Variants in CHST15 observed in about 807,000 individuals in gnomAD.
CHST15 encodes the protein B cell RAG associated protein (GALNAC4S-6ST).
A neutral mutation model predicts 53.6 loss-of-function variants in CHST15; 30 were observed. The ratio of observed to expected loss-of-function variants is 0.56; its 90% CI spans 0.42 to 0.76. CHST15 has a LOEUF of 0.76. Ranked by LOEUF, CHST15 falls within the 30% of genes least tolerant of loss-of-function variation. CHST15 has a pLI of 0.00. For missense variants in CHST15, 627 were observed against 740.5 expected, an observed-to-expected ratio of 0.85 and a Z score of 1.78; for synonymous variants, 296 against 289.8, an observed-to-expected ratio of 1.02 and a Z score of -0.22.
intron 1 of CHST15, among the ~76,000 whole-genome samples, chr10:124,083,070 G>T (rs1230856900): frequency 1.3e-5 from 2 of 152,224 alleles, no homozygotes; most frequent in Non-Finnish European, 1.5e-5. Flanking sequence ...TACTTTGGGT[G>T]AATTTTATGG....
intron 7 of CHST15, chr10:124,011,067 C>G (rs1027967522): frequency 1.0e-6 from 1 of 983,026 alleles, no homozygotes; most frequent in Non-Finnish European, 1.2e-6. Flanking sequence ...CTGGAAAAGG[C>G]CGGGAGGGGC....
intron 1 of CHST15, among the ~76,000 whole-genome samples, chr10:124,089,578 C>T (rs966426411): frequency 3.9e-5 from 6 of 152,024 alleles, no homozygotes; most frequent in African/African-American, 1.4e-4. Flanking sequence ...TGACCTTGGG[C>T]AAGTCACTCC....
At chr10:124,043,979 G>GCAGCACAGAGCAGAGGAA (rs1564879034) in intron 3 of CHST15, among the ~76,000 whole-genome samples, 1 of 136,204 alleles carries the variant, frequency 7.3e-6, no homozygotes, top group Non-Finnish European at 1.5e-5. Flanking sequence ...AGAGCAGGGA[G>GCAGCACAGAGCAGAGGAA]CAGCACAGAG....
Position 124,089,853 on chromosome 10 carries a change from C to A in CHST15, c.-513+3616G>T, listed in dbSNP as rs144902630. Among the ~76,000 whole-genome samples the A allele has an allele frequency of 1.4e-3, 206 of 152,340 alleles. 1 individual carries two copies. Among genetic ancestry groups the A allele is most frequent in the African/African-American group, 4.5e-3 (188 of 41,582 alleles). ...AGGGCTGGGACCCTGTCTGTCCTAG[C>A]CCCGCCAAATCATCCCAGAGGCTCA... is the stretch of plus-strand genomic sequence containing the variant. On this transcript the variant is annotated intron_variant, in intron 1 of 7. Transcript: ENST00000435907.
At chr10:124,055,730 C>T (rs974626533) in intron 1 of CHST15, among the ~76,000 whole-genome samples, 8 of 152,222 alleles carry the variant, frequency 5.3e-5, no homozygotes, top group African/African-American at 9.6e-5. Flanking sequence ...TGACCATGCT[C>T]ATCCAGAACT....
chr10:124,039,684 C>T (rs1337983972), intron 4 of CHST15, among the ~76,000 whole-genome samples: 2 of 152,372 alleles, frequency 1.3e-5, no homozygotes, highest in East Asian at 1.9e-4. Flanking sequence ...TGCCAAGACA[C>T]AGGCAGGCAT....
In CHST15 at chr10:124,019,813, G is replaced by A. The variant is rs1946707702; in HGVS notation, c.1347+1443C>T. 5 of 985,482 alleles carry A rather than the reference G, an allele frequency of 5.1e-6. No homozygotes were observed. The highest frequency in any genetic ancestry group is 9.4e-5 in the South Asian group (2 of 21,296). 61.0% of individuals were successfully genotyped at this position (985,482 alleles called of 1,614,324 possible). ...ACTTCTTCTGAGGCTAGACCAGGTG[G>A]TGCGGCCCCATGTGCCACGCACCCA... is the stretch of plus-strand genomic sequence containing the variant. On this transcript the variant is annotated intron_variant, in intron 6 of 7. Transcript: ENST00000435907. This position sits in a 1 kb window ranked among gnomAD's most constrained non-coding sequence, Gnocchi z 4.6.
At chr10:124,072,914 C>CT (rs1948964913) in intron 1 of CHST15, among the ~76,000 whole-genome samples, 1 of 152,174 alleles carries the variant, frequency 6.6e-6, no homozygotes, top group Non-Finnish European at 1.5e-5. Flanking sequence ...AGGGTCTCTT[C>CT]TTTTTGGGAA....
At chr10:124,072,511 AT>A (rs1398758583) in intron 1 of CHST15, among the ~76,000 whole-genome samples, 2 of 152,072 alleles carry the variant, frequency 1.3e-5, no homozygotes, top group Non-Finnish European at 2.9e-5. Flanking sequence ...GTGCAGAACC[AT>A]TTGGTTCTGA....
At position 124,008,104 on chromosome 10, in the gene CHST15, C is replaced by A; in HGVS notation, c.*2045G>T. 1 of 1,231,748 alleles carries A rather than the reference C, an allele frequency of 8.1e-7. No homozygotes were observed. The highest frequency in any genetic ancestry group is 4.1e-5 in the South Asian group (1 of 24,102). 76.3% of individuals were successfully genotyped at this position (1,231,748 alleles called of 1,614,324 possible). A position where few individuals can be genotyped will look rare whatever the true frequency, so the allele number is the denominator to read the frequency against. The stretch of plus-strand genomic sequence containing the variant: ...AACCAAATAATATTGGAAATAATAC[C>A]TTCAGTAATACTTCTGTAAGAAGCA... On this transcript the variant is annotated 3_prime_UTR_variant, in exon 8 of 8. Coordinates refer to ENST00000435907, the MANE Select transcript of CHST15 (RefSeq NM_001270764.2).
chr10:124,084,557 C>G (rs919987166), intron 1 of CHST15, among the ~76,000 whole-genome samples: 11 of 151,960 alleles, frequency 7.2e-5, no homozygotes, highest in Non-Finnish European at 1.6e-4. Flanking sequence ...GACATCCCAC[C>G]CACAGTAAGG....
At chr10:124,022,471 C>T (rs1946823870) in intron 5 of CHST15, among the ~76,000 whole-genome samples, 1 of 152,250 alleles carries the variant, frequency 6.6e-6, no homozygotes, top group Admixed American at 6.5e-5. Context: ...CTGGCTGGGC[C>T]CACAGGAGCA....
At position 124,036,961 on chromosome 10, in the gene CHST15, C is replaced by G. The variant is rs140257373; in HGVS notation, c.1190+1554G>C. Among the ~76,000 whole-genome samples the G allele has an allele frequency of 3.5e-3, 531 of 152,232 alleles. No individual in the cohort carries two copies. The highest frequency in any genetic ancestry group is 9.0e-3 in the African/African-American group (375 of 41,526). ...CTTTCTTCCCTCAGTGTCCTGGAAG[C>G]TGGAGTCTGAAACCCAGGTGTGGGG... On this transcript the variant is annotated intron_variant, in intron 5 of 7. Coordinates refer to ENST00000435907, the MANE Select transcript of CHST15 (RefSeq NM_001270764.2). The surrounding 1 kb of genome is among the most constrained non-coding windows in gnomAD (Gnocchi z 5.1).
At position 124,035,092 on chromosome 10, in the gene CHST15, ACCCCTAACAGGGACCCCGGCTCCGC is replaced by A. The variant is rs1458706123; in HGVS notation, c.1190+3398_1190+3422del. Among the ~76,000 whole-genome samples, 663 of 87,968 alleles carry A rather than the reference ACCCCTAACAGGGACCCCGGCTCCGC, an allele frequency of 7.5e-3. 4 individuals are homozygous for A. Among genetic ancestry groups the A allele is most frequent in the African/African-American group, 0.015 (385 of 25,982 alleles). The allele number at this position is 87,968 out of a possible 152,430, so 57.7% of individuals were successfully genotyped here. On this transcript the variant is annotated intron_variant, in intron 5 of 7. Coordinates refer to ENST00000435907, the MANE Select transcript of CHST15 (RefSeq NM_001270764.2). ...ACCCCCTAACAGGGACGCCGGCTCC[ACCCCTAACAGGGACCCCGGCTCCGC>A]CCCCTAACAGGGACCCCGGCTCCGC...
At position 124,024,693 on chromosome 10, in the gene CHST15, C is replaced by T. The variant is rs1229181963; in HGVS notation, c.1191-3281G>A. On this transcript the variant is annotated intron_variant, in intron 5 of 7. Coordinates refer to ENST00000435907, the MANE Select transcript of CHST15 (RefSeq NM_001270764.2). This position sits in a 1 kb window ranked among gnomAD's most constrained non-coding sequence, Gnocchi z 4.0. The stretch of plus-strand genomic sequence containing the variant: ...ATCAAAACTGAAACACGGCATCTGT[C>T]GCCATAGGGTCGCTCATGGTTACTA... Among the ~76,000 whole-genome samples, 1 of 152,310 alleles carries T rather than the reference C, an allele frequency of 6.6e-6. No homozygotes were observed. The highest frequency in any genetic ancestry group is 1.5e-5 in the Non-Finnish European group (1 of 68,018).
rs76595485 is a variant in CHST15 at position 124,011,742 on chromosome 10, G to A, written c.1495+591C>T. 67 of 985,400 alleles carry A rather than the reference G, an allele frequency of 6.8e-5. 1 individual carries two copies. The East Asian group carries it at 5.0e-3, about 74-fold the overall frequency. The allele number at this position is 985,400 out of a possible 1,614,324, so 61.0% of individuals were successfully genotyped here. On this transcript the variant is annotated intron_variant, in intron 7 of 7. Transcript: ENST00000435907. Reference sequence around the variant, plus strand: ...TGGTATCCACAGGCTGAGGGCAGGCGCTCATGCCCCAGGGGCCCAGCATCC... The same window carrying A: ...TGGTATCCACAGGCTGAGGGCAGGCACTCATGCCCCAGGGGCCCAGCATCC...
At chr10:124,020,918 A>G in intron 6 of CHST15, 1 of 1,378,584 alleles carries the variant, frequency 7.3e-7, no homozygotes, top group African/African-American at 1.5e-5. Context: ...AATGCTCTTA[A>G]GACAATTTGA....
At chr10:124,069,695 A>C (rs1349793484) in intron 1 of CHST15, among the ~76,000 whole-genome samples, 1 of 152,220 alleles carries the variant, frequency 6.6e-6, no homozygotes, top group African/African-American at 2.4e-5. Context: ...AAACAGGAAC[A>C]GTGCTCCTCC....
chr10:124,058,783 T>C (rs1948467675), intron 1 of CHST15, among the ~76,000 whole-genome samples: 1 of 152,214 alleles, frequency 6.6e-6, no homozygotes, highest in African/African-American at 2.4e-5. Context: ...CCAGAAAGCA[T>C]GGCAAATATC....
Sources: gnomAD v4.1 joint callset for allele counts (sites outside exome capture counted in the v4.1 genomes callset) on GRCh38, gnomAD v4.1.1 for gene constraint, Gnocchi (gnomAD v3.1) non-coding constraint, MANE v1.5 for transcripts, NCBI Gene and HGNC (gene_info 2026-07-23, HGNC 2026-07-21) for gene names.